Variants in CENPH observed in about 807,000 individuals in gnomAD.
CENPH encodes the protein centromere protein H, also known as CENP-H.
Under a neutral mutation model 42.9 loss-of-function variants are expected in CENPH, and 40 were observed. That is an observed-to-expected ratio of 0.93 (90% CI 0.72 to 1.21). CENPH has a LOEUF of 1.21. CENPH is among the 50% of genes most tolerant of loss of function. The pLI, the probability that CENPH is intolerant of heterozygous loss-of-function variation, is 0.00. For synonymous variants in CENPH, 88 were observed against 96.5 expected, an observed-to-expected ratio of 0.91 and a Z score of 0.52; for missense variants, 302 against 292.9, an observed-to-expected ratio of 1.03 and a Z score of -0.23.
At chr5:69,194,576 C>A in intron 2 of CENPH, 71 bp from the exon 3 acceptor site, 2 of 835,298 alleles carry the variant, frequency 2.4e-6, no homozygotes, top group South Asian at 1.7e-5. Context: ...GCCCTTGTGG[C>A]TTACATTATA....
At chr5:69,204,480 G>A (rs1366598105) in intron 7 of CENPH, among the ~76,000 whole-genome samples, 1 of 151,206 alleles carries the variant, frequency 6.6e-6, no homozygotes. Flanking sequence ...TGTTGACATC[G>A]AATCTTGCTG....
intron 5 of CENPH, among the ~76,000 whole-genome samples, 161 bp from the exon 6 acceptor site, chr5:69,202,345 A>C (rs1470854755): frequency 6.6e-6 from 1 of 152,126 alleles, no homozygotes; most frequent in African/African-American, 2.4e-5. Flanking sequence ...TTTACATCAA[A>C]CTTTTCCAGA....
Position 69,202,554 on chromosome 5 carries a change from A to G in CENPH, c.420A>G (p.Ile140Met). 6.4e-7 allele frequency: 1 copy of G among 1,563,072 alleles called. No homozygotes were observed. The highest frequency in any genetic ancestry group is 8.8e-7 in the Non-Finnish European group (1 of 1,139,156). The change falls in exon 6 of 9, where the codon ATA (isoleucine) becomes ATG (methionine). Residue 140 changes from isoleucine to methionine, a missense_variant. Physicochemically the swap from Ile to Met is conservative, Grantham distance 10. Transcript: ENST00000283006. Reference protein sequence around the residue: ...MKHLLELNKLIMKSQQESWDL... With the variant: ...MKHLLELNKLMMKSQQESWDL... Reference sequence around the variant, plus strand: ...ACCTATTAGAGCTAAATAAATTAATAATGAAATCACAGCAGGTAAACTTAC... The same window carrying G: ...ACCTATTAGAGCTAAATAAATTAATGATGAAATCACAGCAGGTAAACTTAC...
rs538282547 is a variant in CENPH, at chr5:69,196,392, C to T, written c.314+601C>T. Among the ~76,000 whole-genome samples the T allele has an allele frequency of 3.8e-3, 581 of 152,272 alleles. 3 individuals carry two copies. The highest frequency in any genetic ancestry group is 6.8e-3 in the Middle Eastern group (2 of 294). On this transcript the variant is annotated intron_variant, in intron 4 of 8. Coordinates refer to ENST00000283006, the MANE Select transcript of CENPH (RefSeq NM_022909.4). ...GGGCGCGGTGGCTCGCGCCTGTAAT[C>T]CCAGCACTTCGGGAGGCCAAGGTGG...
chr5:69,189,679 C>T lies in CENPH; in HGVS notation c.45C>T (p.Asp15=), dbSNP rs1183402887. The T allele has an allele frequency of 6.3e-7, 1 of 1,597,120 alleles. No individual in the cohort carries two copies. Among genetic ancestry groups the T allele is most frequent in the Non-Finnish European group, 8.5e-7 (1 of 1,173,852 alleles). Residue 15 remains aspartate (D), a synonymous_variant, in exon 1 of 9, where the codon GAC becomes GAT. Transcript: ENST00000283006. ...TGCAAGACGCCGACGAGCCCGCGGA[C>T]TCCGGAGGGGAAGGCCGGGCAGGCG... ...PQMQDADEPA[D]SGGEGRAGGP... is the part of the protein sequence containing the mutation.
intron 7 of CENPH, among the ~76,000 whole-genome samples, 154 bp downstream of exon 7, chr5:69,203,124 A>ACATT (rs1748084594): frequency 6.6e-6 from 1 of 152,220 alleles, no homozygotes; most frequent in East Asian, 1.9e-4. Flanking sequence ...GATATAAAGT[A>ACATT]CATTTTGTTC....
chr5:69,203,013 C>T (rs778844269), intron 7 of CENPH, 43 bp downstream of exon 7: 2 of 1,327,882 alleles, frequency 1.5e-6, no homozygotes, highest in South Asian at 2.5e-5. Context: ...ATTTTGCTTA[C>T]TTTATAGATT....
In CENPH at chr5:69,202,795, A is replaced by G. The variant is rs1193585395; in HGVS notation, c.436-124A>G. ...ACTGTCTTCCTTTTGCTGTCTGGAA[A>G]TAGAGGAATTGAAAACTGGAACTTT... On this transcript the variant is annotated intron_variant, in intron 6 of 8. Coordinates refer to ENST00000283006, the MANE Select transcript of CENPH (RefSeq NM_022909.4). The G allele has an allele frequency of 2.4e-5, 16 of 658,226 alleles. No homozygotes were observed. The East Asian group carries it at 4.7e-4, about 19-fold the overall frequency. The allele number at this position is 658,226 out of a possible 1,614,324, so 40.8% of individuals were successfully genotyped here.
chr5:69,200,628 A>G (rs1748041688), intron 5 of CENPH, among the ~76,000 whole-genome samples: 1 of 149,068 alleles, frequency 6.7e-6, no homozygotes, highest in Non-Finnish European at 1.5e-5. Flanking sequence ...TTGCTTCTAC[A>G]GTGTTTTTCA....
Position 69,209,764 on chromosome 5 carries a change from G to A in CENPH, c.709G>A (p.Val237Ile). The A allele has an allele frequency of 6.2e-7, 1 of 1,604,414 alleles. No homozygotes were observed. The highest frequency in any genetic ancestry group is 1.1e-5 in the South Asian group (1 of 89,962). ...WAEDPALKEIVLQLEKNVDMM is the reference protein window; with the variant it reads ...WAEDPALKEIILQLEKNVDMM ...AGAGGATCCTGCCCTTAAGGAAATT[G>A]TTCTGCAGCTTGAGAAGAATGTTGA... The change falls in exon 9 of 9, where the codon GTT becomes ATT. Residue 237 changes from valine (V) to isoleucine (I), a missense_variant. Coordinates refer to ENST00000283006, the MANE Select transcript of CENPH (RefSeq NM_022909.4).
intron 7 of CENPH, among the ~76,000 whole-genome samples, chr5:69,204,355 T>G (rs1009108066): frequency 2.1e-5 from 3 of 145,156 alleles, no homozygotes; most frequent in African/African-American, 7.6e-5. Context: ...ATCATAGTTC[T>G]TTGCAGTTCA....
At chr5:69,191,466 T>G (rs938604896) in intron 1 of CENPH, among the ~76,000 whole-genome samples, 19 of 152,270 alleles carry the variant, frequency 1.2e-4, no homozygotes, top group African/African-American at 4.6e-4. Flanking sequence ...GAGCCGAGAT[T>G]GCGCCACTGC....
chr5:69,205,960 C>T lies in CENPH; in HGVS notation c.488-2236C>T, dbSNP rs542567376. ...TCCTGACCTCGTGATCCGCCCTCCTCGACCACCCAAAGTGCTGGGATTACA... is the reference window on the plus strand; with the variant it reads ...TCCTGACCTCGTGATCCGCCCTCCTTGACCACCCAAAGTGCTGGGATTACA... On this transcript the variant is annotated intron_variant, in intron 7 of 8. Coordinates refer to ENST00000283006, the MANE Select transcript of CENPH (RefSeq NM_022909.4). Among the ~76,000 whole-genome samples the T allele has an allele frequency of 2.6e-5, 4 of 151,928 alleles. No homozygotes were observed. In the East Asian group the frequency reaches 5.8e-4, roughly 22 times the overall value.
At chr5:69,196,480 A>G (rs1252092635) in intron 4 of CENPH, among the ~76,000 whole-genome samples, 1 of 152,114 alleles carries the variant, frequency 6.6e-6, no homozygotes, top group African/African-American at 2.4e-5. Context: ...CCCTGTCTCT[A>G]CTAAAAATAC....
At chr5:69,209,603 A>C (rs1399803242) in intron 8 of CENPH, 104 bp from the exon 9 acceptor site, 4 of 610,670 alleles carry the variant, frequency 6.6e-6, no homozygotes, top group African/African-American at 1.9e-5. Context: ...CTACACATGT[A>C]GTAAATGTTA....
Position 69,197,911 on chromosome 5 carries a change from A to AT in CENPH, c.371+803dup, listed in dbSNP as rs756442564. Among the ~76,000 whole-genome samples the AT allele has an allele frequency of 1.3e-3, 148 of 111,610 alleles. 10 individuals are homozygous for AT. Among genetic ancestry groups the AT allele is most frequent in the Middle Eastern group, 5.0e-3 (1 of 202 alleles). The allele number at this position is 111,610 out of a possible 152,430, so 73.2% of individuals were successfully genotyped here. ...TCTGGCCTCAGAGGTCTTACCTATG[A>AT]TCTTTTTTTTTTTTTTTTTTTTTTT... is the stretch of plus-strand genomic sequence containing the variant. On this transcript the variant is annotated intron_variant, in intron 5 of 8. Transcript: ENST00000283006.
chr5:69,196,321 GA>G (rs1580225109), intron 4 of CENPH, among the ~76,000 whole-genome samples: 1 of 152,172 alleles, frequency 6.6e-6, no homozygotes, highest in Admixed American at 6.6e-5. Flanking sequence ...ATTGTAAGTT[GA>G]AAATATGGTA....
At chr5:69,192,781 A>G (rs1261873030) in intron 2 of CENPH, among the ~76,000 whole-genome samples, 2 of 152,130 alleles carry the variant, frequency 1.3e-5, no homozygotes, top group African/African-American at 4.8e-5. Context: ...AGAAATAAGT[A>G]TTGATTCTTT....
chr5:69,208,514 A>G (rs1026978243), intron 8 of CENPH, among the ~76,000 whole-genome samples, 155 bp downstream of exon 8: 2 of 151,928 alleles, frequency 1.3e-5, no homozygotes, highest in Non-Finnish European at 2.9e-5. Flanking sequence ...GTCCACCACC[A>G]TGCCCGGCTA....
Sources: allele counts gnomAD v4.1 joint callset (sites outside exome capture counted in the v4.1 genomes callset), GRCh38; gene constraint gnomAD v4.1.1; transcripts MANE v1.5; gene names NCBI Gene and HGNC (gene_info 2026-07-23, HGNC 2026-07-21).